PCSK5: variants seen among roughly 807,000 people sequenced by gnomAD.
The protein encoded by PCSK5 is prohormone convertase 5.
A neutral mutation model predicts 233.2 loss-of-function variants in PCSK5; 129 were observed. That is an observed-to-expected ratio of 0.55 (90% CI 0.48 to 0.64). The LOEUF (loss-of-function observed/expected upper bound fraction) is 0.64. PCSK5 is among the 30% of genes least tolerant of loss of function. The probability of loss-of-function intolerance (pLI) is 0.00; values close to 1 mark genes in which losing one functional copy is unlikely to be tolerated. For missense variants in PCSK5, 2,076 were observed against 2,430.1 expected (o/e 0.85, Z 3.06); for synonymous variants, 825 against 879.2 (o/e 0.94, Z 1.09).
intron 3 of PCSK5, among the ~76,000 whole-genome samples, chr9:76,001,255 A>G (rs1454484644): frequency 1.3e-5 from 2 of 152,096 alleles, no homozygotes; most frequent in Non-Finnish European, 2.9e-5. Flanking sequence ...TTTAAATTTT[A>G]TATAGTTCTT....
intron 5 of PCSK5, among the ~76,000 whole-genome samples, chr9:76,035,416 A>T (rs1291525786): frequency 6.6e-6 from 1 of 152,156 alleles, no homozygotes; most frequent in Non-Finnish European, 1.5e-5. Flanking sequence ...CGTAATCATG[A>T]TGATGCAGCC....
At chr9:76,121,246 AAT>A in intron 9 of PCSK5, among the ~76,000 whole-genome samples, 1 of 151,832 alleles carries the variant, frequency 6.6e-6, no homozygotes, top group East Asian at 1.9e-4. Context: ...TGTTTAGATG[AAT>A]ATATAGTTTC....
intron 1 of PCSK5, among the ~76,000 whole-genome samples, chr9:75,921,279 T>C (rs575905101): frequency 1.3e-5 from 2 of 152,276 alleles, no homozygotes; most frequent in East Asian, 3.9e-4. Context: ...GGGGCAGGTG[T>C]GCAGGGGTCA....
At chr9:75,926,871 C>T (rs1316081102) in intron 1 of PCSK5, among the ~76,000 whole-genome samples, 1 of 152,044 alleles carries the variant, frequency 6.6e-6, no homozygotes, top group East Asian at 1.9e-4. Flanking sequence ...TTTTCATTCA[C>T]CTATTGATGG....
intron 20 of PCSK5, among the ~76,000 whole-genome samples, chr9:76,208,932 AAT>A (rs1487499833): frequency 6.6e-6 from 1 of 152,152 alleles, no homozygotes; most frequent in Non-Finnish European, 1.5e-5. Flanking sequence ...ACCCCTCTCT[AAT>A]ATATTTTTGT....
At chr9:76,044,457 A>G (rs980577654) in intron 5 of PCSK5, among the ~76,000 whole-genome samples, 3 of 152,200 alleles carry the variant, frequency 2.0e-5, no homozygotes, top group African/African-American at 7.2e-5. Context: ...AAGAAGCTCA[A>G]AGGTTGTAGG....
intron 3 of PCSK5, among the ~76,000 whole-genome samples, chr9:76,015,737 G>C (rs1827922166): frequency 6.6e-6 from 1 of 152,172 alleles, no homozygotes; most frequent in Non-Finnish European, 1.5e-5. Context: ...CCAACTCTCA[G>C]AGAAGTGGCT....
At chr9:76,253,704 T>A (rs749178112) in intron 24 of PCSK5, among the ~76,000 whole-genome samples, 1 of 152,268 alleles carries the variant, frequency 6.6e-6, no homozygotes, top group African/African-American at 2.4e-5. Flanking sequence ...ATGTACGTGA[T>A]GTGTTTTCAC....
chr9:76,052,024 A>G (rs1048381569), intron 5 of PCSK5, among the ~76,000 whole-genome samples: 3 of 152,206 alleles, frequency 2.0e-5, no homozygotes, highest in African/African-American at 7.2e-5. Context: ...AACAAGCTCA[A>G]GTCTCACACC....
At chr9:76,142,865 ATTG>A (rs1364472133) in intron 10 of PCSK5, among the ~76,000 whole-genome samples, 7 of 151,996 alleles carry the variant, frequency 4.6e-5, no homozygotes, top group Non-Finnish European at 8.8e-5. Flanking sequence ...AATTTGGGCT[ATTG>A]TTTTCATTTC....
At chr9:76,060,287 C>A (rs745823055) in intron 5 of PCSK5, among the ~76,000 whole-genome samples, 15 of 151,978 alleles carry the variant, frequency 9.9e-5, no homozygotes, top group Non-Finnish European at 4.4e-5. Context: ...AAATAAAAAA[C>A]CAATTAATGT....
In PCSK5 at chr9:76,296,663, A is replaced by G. The variant is rs774666427; in HGVS notation, c.3323-2A>G. On this transcript the variant is annotated splice_acceptor_variant, in intron 26 of 37. Coordinates refer to ENST00000674117, the MANE Select transcript of PCSK5 (RefSeq NM_001372043.1). LOFTEE classifies it high-confidence loss of function. ...ATGCTTTCTCTCTGTGTTCTCACAT[A>G]GGTGGCAGTTGTGTGAGGAAATGTG... 6.2e-7 allele frequency: 1 copy of G among 1,601,854 alleles called. No individual in the cohort carries two copies. The highest frequency in any genetic ancestry group is 8.5e-7 in the Non-Finnish European group (1 of 1,169,876).
At chr9:76,123,145 A>G (rs1244314461) in intron 9 of PCSK5, among the ~76,000 whole-genome samples, 3 of 152,054 alleles carry the variant, frequency 2.0e-5, no homozygotes, top group African/African-American at 7.2e-5. Context: ...CGCCCGGCCT[A>G]CTTTTATTTT....
At chr9:76,315,928 G>GTTTTT (rs71499141) in intron 30 of PCSK5, among the ~76,000 whole-genome samples, 5 of 91,794 alleles carry the variant, frequency 5.4e-5, no homozygotes, top group African/African-American at 1.5e-4. Flanking sequence ...CACTTCAAGG[G>GTTTTT]TTTTTTTTTT....
intron 2 of PCSK5, among the ~76,000 whole-genome samples, chr9:75,944,055 C>T (rs1011485563): frequency 2.0e-5 from 3 of 151,774 alleles, no homozygotes; most frequent in South Asian, 2.1e-4. Context: ...CCCAGGTACT[C>T]GGGAGGCTGA....
At chr9:76,029,017 C>A (rs191899367) in intron 5 of PCSK5, among the ~76,000 whole-genome samples, 198 of 152,194 alleles carry the variant, frequency 1.3e-3, no homozygotes, top group Middle Eastern at 0.01. Context: ...TCTTAAAGTG[C>A]GGCCTATGAA....
chr9:76,110,921 G>C (rs113932517), intron 9 of PCSK5, among the ~76,000 whole-genome samples: 7 of 151,996 alleles, frequency 4.6e-5, no homozygotes, highest in African/African-American at 1.7e-4. Context: ...CCAGCCTGCC[G>C]ACTTGGCAAA....
chr9:76,214,444 A>T (rs572181357), intron 20 of PCSK5, among the ~76,000 whole-genome samples: 101 of 152,234 alleles, frequency 6.6e-4, no homozygotes, highest in Non-Finnish European at 1.4e-3. Flanking sequence ...TGTATAGCAA[A>T]ACTCTGGTTA....
intron 37 of PCSK5, among the ~76,000 whole-genome samples, chr9:76,355,305 T>C (rs576123489): frequency 4.6e-5 from 7 of 152,204 alleles, no homozygotes; most frequent in African/African-American, 1.7e-4. Flanking sequence ...ACCCTGTCTC[T>C]ACTAAAAATA....
Sources: gnomAD v4.1 joint callset for allele counts (sites outside exome capture counted in the v4.1 genomes callset) on GRCh38, gnomAD v4.1.1 for gene constraint, MANE v1.5 for transcripts, NCBI Gene and HGNC (gene_info 2026-07-23, HGNC 2026-07-21) for gene names.